Variants in C2CD3 observed in about 807,000 individuals in gnomAD.
The protein encoded by C2CD3 is C2 domain-containing protein 3.
C2CD3 carries 148 observed loss-of-function variants against 234.0 expected under a neutral mutation model. The observed-to-expected ratio is 0.63, with a 90% CI of 0.55 to 0.72. The LOEUF (loss-of-function observed/expected upper bound fraction) is 0.72, where lower values mean the gene tolerates loss of function less well. Ranked by LOEUF, C2CD3 falls within the 30% of genes least tolerant of loss-of-function variation. The probability of loss-of-function intolerance (pLI) is 0.00; values close to 1 mark genes in which losing one functional copy is unlikely to be tolerated. For synonymous variants in C2CD3, 1,000 were observed against 1,035.4 expected (o/e 0.97, Z 0.66); for missense variants, 2,577 against 2,811.5 (o/e 0.92, Z 1.89).
chr11:74,112,192 G>A (rs1956775175), intron 11 of C2CD3, among the ~76,000 whole-genome samples: 1 of 152,160 alleles, frequency 6.6e-6, no homozygotes, highest in African/African-American at 2.4e-5. Flanking sequence ...TAGTAGGAGT[G>A]TTAGGACCAC....
rs1443469690 is a variant in C2CD3 at position 74,078,543 on chromosome 11, C to T, written c.4175G>A (p.Ser1392Asn). ...AEHLGWSFENSLKDFVRMDEG... is the reference protein window; with the variant it reads ...AEHLGWSFENNLKDFVRMDEG... Reference sequence around the variant, plus strand: ...ATCCATTCTGACAAAATCTTTCAGGCTGTTCTCAAAGCTCCAGCCCAAATG... The same window carrying T: ...ATCCATTCTGACAAAATCTTTCAGGTTGTTCTCAAAGCTCCAGCCCAAATG... The change falls in exon 23 of 33, where the codon AGC (serine) becomes AAC (asparagine). Residue 1392 changes from serine to asparagine, a missense_variant. Transcript: ENST00000334126. 8 of 1,613,990 alleles carry T rather than the reference C, an allele frequency of 5.0e-6. No homozygotes were observed. Among genetic ancestry groups the T allele is most frequent in the Non-Finnish European group, 6.8e-6 (8 of 1,180,002 alleles).
rs79954461 is a variant in C2CD3 at position 74,013,657 on chromosome 11, G to A, written c.6922-132C>T. 3.6e-3 allele frequency: 1,733 copies of A among 480,246 alleles called. 21 individuals are homozygous for A. Among genetic ancestry groups the A allele is most frequent in the African/African-American group, 0.029 (1,449 of 49,992 alleles). The allele number at this position is 480,246 out of a possible 1,614,324, so 29.7% of individuals were successfully genotyped here. On this transcript the variant is annotated intron_variant, in intron 32 of 32. Transcript: ENST00000334126. Reference sequence around the variant, plus strand: ...CTGCCTGGTTTACAAAGCGCTTTACGTACCTTATCTTGCTTGACCCTTACC... The same window carrying A: ...CTGCCTGGTTTACAAAGCGCTTTACATACCTTATCTTGCTTGACCCTTACC...
At chr11:74,075,727 A>G (rs1045863896) in intron 23 of C2CD3, among the ~76,000 whole-genome samples, 1 of 152,236 alleles carries the variant, frequency 6.6e-6, no homozygotes, top group Non-Finnish European at 1.5e-5. Flanking sequence ...TGTGTAAATT[A>G]TTATGATTAT....
chr11:74,035,843 C>T (rs572447787), intron 30 of C2CD3, among the ~76,000 whole-genome samples: 2 of 151,736 alleles, frequency 1.3e-5, no homozygotes, highest in South Asian at 2.1e-4. Context: ...AAACATTAGG[C>T]CCCACAGCTT....
At chr11:74,090,225 A>C (rs1955826144) in intron 20 of C2CD3, among the ~76,000 whole-genome samples, 1 of 152,136 alleles carries the variant, frequency 6.6e-6, no homozygotes, top group Middle Eastern at 3.4e-3. Flanking sequence ...TCTGGTTTTT[A>C]CTCTGAATAA....
chr11:74,151,910 A>T (rs966162494), intron 3 of C2CD3, among the ~76,000 whole-genome samples: 1 of 152,214 alleles, frequency 6.6e-6, no homozygotes, highest in Admixed American at 6.5e-5. Context: ...TTTAGAGATG[A>T]AAATATTTGA....
At chr11:74,070,077 C>T (rs191777714) in intron 24 of C2CD3, among the ~76,000 whole-genome samples, 2 of 152,324 alleles carry the variant, frequency 1.3e-5, no homozygotes, top group Non-Finnish European at 2.9e-5. Context: ...CTGAGTATAA[C>T]TTATGCTACT....
In C2CD3 at chr11:74,137,583, T is replaced by A. The variant is rs960643673; in HGVS notation, c.955+1137A>T. 9.3e-5 allele frequency among the ~76,000 whole-genome samples: 14 copies of A among 149,822 alleles called. No homozygotes were observed. In the South Asian group the frequency reaches 1.7e-3, roughly 18 times the overall value. On this transcript the variant is annotated intron_variant, in intron 5 of 32. Transcript: ENST00000334126. ...TTTGGAATTTTATATATATATATAT[T>A]TTTTCTTTTTTTTCTTTTTGAGACA...
intron 30 of C2CD3, chr11:74,036,240 C>T (rs111645557): frequency 3.0e-6 from 1 of 329,886 alleles, no homozygotes; most frequent in South Asian, 2.5e-5. Context: ...TCCAAACAAG[C>T]CTTCATCTGT....
chr11:74,014,012 G>A (rs144492225), intron 32 of C2CD3, among the ~76,000 whole-genome samples: 2 of 152,168 alleles, frequency 1.3e-5, no homozygotes, highest in Non-Finnish European at 2.9e-5. Context: ...TCCTGGAGTT[G>A]CCAGGTGACA....
chr11:74,160,859 T>C (rs929888570), intron 3 of C2CD3, among the ~76,000 whole-genome samples: 6 of 152,294 alleles, frequency 3.9e-5, no homozygotes, highest in African/African-American at 1.4e-4. Flanking sequence ...ACTCTAAAAA[T>C]ATGTGTATCA....
At chr11:74,079,677 G>A (rs1955243885) in intron 22 of C2CD3, among the ~76,000 whole-genome samples, 2 of 151,784 alleles carry the variant, frequency 1.3e-5, no homozygotes, top group African/African-American at 2.4e-5. Context: ...GAAAGTGGAA[G>A]CTCAGATACC....
intron 3 of C2CD3, among the ~76,000 whole-genome samples, chr11:74,143,225 T>A (rs923542798): frequency 1.3e-5 from 2 of 152,196 alleles, no homozygotes; most frequent in African/African-American, 2.4e-5. Flanking sequence ...TAACAATAAG[T>A]TGCCTACAAT....
chr11:74,123,119 C>T lies in C2CD3; in HGVS notation c.1234G>A (p.Gly412Ser), dbSNP rs200893787. The T allele has an allele frequency of 1.7e-5, 27 of 1,612,980 alleles. No individual in the cohort carries two copies. The African/African-American group carries it at 2.9e-4, about 18-fold the overall frequency. Reference protein sequence around the residue: ...LLLGSAELSQGNFWDGLGSPP... With the variant: ...LLLGSAELSQSNFWDGLGSPP... The stretch of plus-strand genomic sequence containing the variant: ...GAGCCTAGCCCATCCCAGAAATTGC[C>T]TTGGGATAATTCAGCACTGCAGAGA... The change falls in exon 8 of 33, where the codon GGC becomes AGC. Residue 412 changes from glycine (G) to serine (S), a missense_variant. By Grantham distance (56) the Gly-to-Ser change is moderately conservative (BLOSUM62 0). Transcript: ENST00000334126.
At chr11:74,057,027 T>G (rs1239538511) in intron 25 of C2CD3, among the ~76,000 whole-genome samples, 1 of 151,984 alleles carries the variant, frequency 6.6e-6, no homozygotes, top group Non-Finnish European at 1.5e-5. Flanking sequence ...CCTCCCCCAG[T>G]AGCTGGGATT....
At chr11:74,132,716 T>C (rs1425689624) in intron 7 of C2CD3, 128 bp downstream of exon 7, 1 of 866,144 alleles carries the variant, frequency 1.2e-6, no homozygotes, top group African/African-American at 1.7e-5. Context: ...ATAGTGATAG[T>C]TTAAGGAATA....
chr11:74,084,708 A>G (rs1955561044), intron 22 of C2CD3, among the ~76,000 whole-genome samples, 173 bp downstream of exon 22: 1 of 144,386 alleles, frequency 6.9e-6, no homozygotes, highest in Non-Finnish European at 1.5e-5. Flanking sequence ...TCTTTAAACT[A>G]AAAAAAAAAA....
At chr11:74,093,760 G>T in intron 18 of C2CD3, 56 bp downstream of exon 18, 1 of 1,410,206 alleles carries the variant, frequency 7.1e-7, no homozygotes, top group Non-Finnish European at 9.8e-7. Context: ...GGAGTAGGAT[G>T]CTTTATGATT....
chr11:74,097,778 C>T (rs937958398), intron 16 of C2CD3, among the ~76,000 whole-genome samples: 1 of 152,042 alleles, frequency 6.6e-6, no homozygotes, highest in Non-Finnish European at 1.5e-5. Context: ...TTTGGTTGTT[C>T]GATTGGATTT....
Sources: allele counts gnomAD v4.1 joint callset (sites outside exome capture counted in the v4.1 genomes callset), GRCh38; gene constraint gnomAD v4.1.1; transcripts MANE v1.5; gene names NCBI Gene and HGNC (gene_info 2026-07-23, HGNC 2026-07-21).